The following CYP11B1 variants were observed in gnomAD, a reference collection of about 807,000 sequenced individuals.
CYP11B1 encodes cytochrome P450 11B1, mitochondrial.
In CYP11B1, 34 loss-of-function variants were observed where a neutral mutation model predicts 48.3. That is an observed-to-expected ratio of 0.70 (90% CI 0.54 to 0.94). The LOEUF is 0.94. CYP11B1 is among the 40% of genes least tolerant of loss of function. The probability of loss-of-function intolerance (pLI) is 0.00; values close to 1 mark genes in which losing one functional copy is unlikely to be tolerated. For synonymous variants in CYP11B1, 291 were observed against 262.5 expected, an observed-to-expected ratio of 1.11 and a Z score of -1.05; for missense variants, 688 against 657.4, an observed-to-expected ratio of 1.05 and a Z score of -0.51.
intron 5 of CYP11B1, 94 bp downstream of exon 5, chr8:142,876,147 T>C (rs369228207): frequency 1.3e-6 from 2 of 1,539,208 alleles, no homozygotes; most frequent in East Asian, 4.5e-5. Context: ...AGCCTGGGGA[T>C]GGGACACGTG....
Position 142,875,650 on chromosome 8 carries a change from C to T in CYP11B1, c.1121+62G>A, listed in dbSNP as rs1488983707. ...AGCCCCAGATTCTGTCTGCCACCAC[C>T]CAGTGGGGGCTGCTCTCCAGCAGGG... On this transcript the variant is annotated intron_variant, in intron 6 of 8. Transcript: ENST00000292427. 5 of 1,578,346 alleles carry T rather than the reference C, an allele frequency of 3.2e-6. No individual in the cohort carries two copies. In the East Asian group the frequency reaches 6.7e-5, roughly 21 times the overall value.
rs866430018 is a variant in CYP11B1, at chr8:142,876,741, C to T, written c.740G>A (p.Trp247Ter). ...LMFMPRSLSR[W>*]TSPKVWKEHF... ...CTCCTTCCACACCTTGGGGCTGGTC[C>T]AGCGAGACAGGCTCCTGGGCATGAA... is the stretch of plus-strand genomic sequence containing the variant. Residue 247 changes from tryptophan (W) to a stop codon, truncating the protein, a stop_gained, in exon 4 of 9, where the codon TGG becomes TAG. Coordinates refer to ENST00000292427, the MANE Select transcript of CYP11B1 (RefSeq NM_000497.4). LOFTEE classifies it high-confidence loss of function. The T allele has an allele frequency of 1.1e-5, 18 of 1,614,056 alleles. No homozygotes were observed. Among genetic ancestry groups the T allele is most frequent in the Non-Finnish European group, 1.5e-5 (18 of 1,179,992 alleles).
At chr8:142,878,088 C>T (rs1377853605) in intron 2 of CYP11B1, among the ~76,000 whole-genome samples, 8 of 152,146 alleles carry the variant, frequency 5.3e-5, no homozygotes, top group Non-Finnish European at 1.2e-4. Context: ...GCACACACAA[C>T]ACGTGCAAAT....
rs5284 is a variant in CYP11B1 at position 142,879,139 on chromosome 8, G to A, written c.288C>T (p.Asp96=). 148 of 1,614,040 alleles carry A rather than the reference G, an allele frequency of 9.2e-5. No individual in the cohort carries two copies. Among genetic ancestry groups the A allele is most frequent in the South Asian group, 4.6e-4 (42 of 91,074 alleles). Residue 96 remains aspartate (D), a synonymous_variant, in exon 2 of 9, where the codon GAC becomes GAT. Transcript: ENST00000292427. ...TGTCCACCTGTTGCAGCTTCTCCAC[G>A]TCCTCCGGCAGCATCACACACACCA... ...AGMVCVMLPE[D]VEKLQQVDSL... is the part of the protein sequence containing the mutation.
intron 5 of CYP11B1, 142 bp from the exon 6 acceptor site, chr8:142,876,020 G>A: frequency 8.4e-7 from 1 of 1,189,122 alleles, no homozygotes; most frequent in Non-Finnish European, 1.2e-6. Flanking sequence ...AAATCCTAAT[G>A]CCCATCCAAA....
At chr8:142,879,004 T>G (rs1817055002) in intron 2 of CYP11B1, 28 bp downstream of exon 2, 1 of 1,613,354 alleles carries the variant, frequency 6.2e-7, no homozygotes, top group African/African-American at 1.3e-5. Flanking sequence ...CTGCCCACCC[T>G]GCTCCCAGCT....
At chr8:142,878,776 C>G (rs1817045873) in intron 2 of CYP11B1, among the ~76,000 whole-genome samples, 1 of 152,194 alleles carries the variant, frequency 6.6e-6, no homozygotes, top group South Asian at 2.1e-4. Flanking sequence ...AGAGCGGGTT[C>G]TCACTACACA....
Position 142,879,171 on chromosome 8 carries a change from C to G in CYP11B1, c.256G>C (p.Ala86Pro), listed in dbSNP as rs376893751. Residue 86 changes from alanine (A) to proline (P), a missense_variant, in exon 2 of 9, where the codon GCA becomes CCA. Physicochemically the swap from Ala to Pro is conservative, Grantham distance 27 (BLOSUM62 -1). Transcript: ENST00000292427. The part of the protein sequence containing the change: ...GPIFRYDLGG[A>P]GMVCVMLPED... ...GGCAGCATCACACACACCATGCCTGCTCCTCCCAAGTCGTACCTGTGGGGC... is the reference window on the plus strand; with the variant it reads ...GGCAGCATCACACACACCATGCCTGGTCCTCCCAAGTCGTACCTGTGGGGC... 45 of 1,613,808 alleles carry G rather than the reference C, an allele frequency of 2.8e-5. No individual in the cohort carries two copies. Among genetic ancestry groups the G allele is most frequent in the South Asian group, 2.0e-4 (18 of 91,074 alleles).
In CYP11B1 at chr8:142,877,192, C is replaced by T. The variant is rs1275754100; in HGVS notation, c.426G>A (p.Leu142=). ...GCGACAGCACTTCTGGATTCAGCCG[C>T]AATCGGTTGAAGCGCCATTCAGGCC... The part of the protein sequence containing the change: ...LNGPEWRFNR[L]RLNPEVLSPN... The change falls in exon 3 of 9, where the codon TTG becomes TTA. Residue 142 remains leucine (L), a synonymous_variant. Coordinates refer to ENST00000292427, the MANE Select transcript of CYP11B1 (RefSeq NM_000497.4). 2 of 1,614,116 alleles carry T rather than the reference C, an allele frequency of 1.2e-6. No homozygotes were observed. The highest frequency in any genetic ancestry group is 1.7e-6 in the Non-Finnish European group (2 of 1,179,992).
In CYP11B1 at chr8:142,879,773, G is replaced by A. The variant is rs1304483373; in HGVS notation, c.41C>T (p.Pro14Leu). Reference sequence around the variant, plus strand: ...CTGTGCCCTTTGCAGGGACAGCCAGGGCACTGCCATGCACACCTCTGCCTT... The same window carrying A: ...CTGTGCCCTTTGCAGGGACAGCCAGAGCACTGCCATGCACACCTCTGCCTT... ...RAKAEVCMAV[P>L]WLSLQRAQAL... The change falls in exon 1 of 9, where the codon CCC becomes CTC. Residue 14 changes from proline to leucine, a missense_variant. Transcript: ENST00000292427. The A allele has an allele frequency of 1.2e-6, 2 of 1,614,146 alleles. No homozygotes were observed. Among genetic ancestry groups the A allele is most frequent in the Admixed American group, 1.7e-5 (1 of 60,034 alleles).
At chr8:142,879,374 G>A (rs568668806) in intron 1 of CYP11B1, 187 bp from the exon 2 acceptor site, 4 of 1,609,520 alleles carry the variant, frequency 2.5e-6, no homozygotes, top group East Asian at 2.2e-5. Context: ...TGCCCTCTCT[G>A]CAGCGAGCTG....
chr8:142,877,009 C>T lies in CYP11B1; in HGVS notation c.595+14G>A, dbSNP rs1208266252. On this transcript the variant is annotated intron_variant, in intron 3 of 8. Transcript: ENST00000292427. Reference sequence around the variant, plus strand: ...CAGGGTCTCTGAGGCTGGATCTTCCCACGTGGCCCACACCTTCTATGGTGT... The same window carrying T: ...CAGGGTCTCTGAGGCTGGATCTTCCTACGTGGCCCACACCTTCTATGGTGT... 7.4e-6 allele frequency: 12 copies of T among 1,613,254 alleles called. No individual in the cohort carries two copies. The highest frequency in any genetic ancestry group is 1.0e-5 in the Non-Finnish European group (12 of 1,179,720).
At position 142,876,887 on chromosome 8, in the gene CYP11B1, T is replaced by A. The variant is rs775946442; in HGVS notation, c.596-2A>T. The A allele has an allele frequency of 2.3e-5, 37 of 1,614,144 alleles. No homozygotes were observed. The highest frequency in any genetic ancestry group is 3.0e-5 in the Non-Finnish European group (35 of 1,180,028). ...CTCCAAAAAGAGCCAAGTTGCTGGC[T>A]GCGGGGAGGATGCACTGCTGAGCAC... On this transcript the variant is annotated splice_acceptor_variant, in intron 3 of 8. Transcript: ENST00000292427. LOFTEE classifies it high-confidence loss of function.
chr8:142,875,035 G>C lies in CYP11B1; in HGVS notation c.1320C>G (p.His440Gln). The C allele has an allele frequency of 1.2e-6, 2 of 1,614,258 alleles. No homozygotes were observed. Among genetic ancestry groups the C allele is most frequent in the East Asian group, 4.5e-5 (2 of 44,880 alleles). The change falls in exon 8 of 9, where the codon CAC becomes CAG. Residue 440 changes from histidine (H) to glutamine (Q), a missense_variant. Physicochemically the swap from His to Gln is conservative, Grantham distance 24. Transcript: ENST00000292427. ...DIRGSGRNFY[H>Q]VPFGFGMRQC... ...GGCGCATGCCAAAGCCAAAGGGCAC[G>C]TGGTAGAAGTTCCTGCCGGAGCCCC...
In CYP11B1 at chr8:142,879,159, A is replaced by T; in HGVS notation, c.268T>A (p.Cys90Ser). 6.2e-7 allele frequency: 1 copy of T among 1,613,696 alleles called. No individual in the cohort carries two copies. The highest frequency in any genetic ancestry group is 1.1e-5 in the South Asian group (1 of 91,058). ...RYDLGGAGMV[C>S]VMLPEDVEKL... ...TCCACGTCCTCCGGCAGCATCACAC[A>T]CACCATGCCTGCTCCTCCCAAGTCG... Residue 90 changes from cysteine (C) to serine (S), a missense_variant, in exon 2 of 9, where the codon TGT (cysteine) becomes AGT (serine). Coordinates refer to ENST00000292427, the MANE Select transcript of CYP11B1 (RefSeq NM_000497.4).
At chr8:142,877,571 C>G (rs1212694591) in intron 2 of CYP11B1, among the ~76,000 whole-genome samples, 1 of 152,170 alleles carries the variant, frequency 6.6e-6, no homozygotes, top group African/African-American at 2.4e-5. Context: ...AAGAAAGGAA[C>G]TGACCCCTGT....
At chr8:142,874,794 TAC>T (rs1816879201) in intron 8 of CYP11B1, among the ~76,000 whole-genome samples, 161 bp downstream of exon 8, 1 of 152,154 alleles carries the variant, frequency 6.6e-6, no homozygotes, top group Non-Finnish European at 1.5e-5. Context: ...GCCCAGGACC[TAC>T]ACAGCCTCAA....
chr8:142,877,634 G>C lies in CYP11B1; in HGVS notation c.396-412C>G, dbSNP rs895603498. 12 of 870,024 alleles carry C rather than the reference G, an allele frequency of 1.4e-5. No individual in the cohort carries two copies. The South Asian group carries it at 1.8e-4, about 13-fold the overall frequency. The allele number at this position is 870,024 out of a possible 1,614,324, so 53.9% of individuals were successfully genotyped here. A position where few individuals can be genotyped will look rare whatever the true frequency, so the allele number is the denominator to read the frequency against. ...CAGTGTCCTGAGGGGAGAGCCCCTGGCTGCCCTCTCCTCCCCGCCCTTCCC... is the reference window on the plus strand; with the variant it reads ...CAGTGTCCTGAGGGGAGAGCCCCTGCCTGCCCTCTCCTCCCCGCCCTTCCC... On this transcript the variant is annotated intron_variant, in intron 2 of 8. Coordinates refer to ENST00000292427, the MANE Select transcript of CYP11B1 (RefSeq NM_000497.4).
intron 1 of CYP11B1, 128 bp from the exon 2 acceptor site, chr8:142,879,315 C>A (rs750322579): frequency 1.2e-6 from 2 of 1,605,922 alleles, no homozygotes; most frequent in Admixed American, 1.7e-5. Context: ...ACAGCTAAAG[C>A]CCTCTTGCTG....
Sources: gnomAD v4.1 joint callset for allele counts (sites outside exome capture counted in the v4.1 genomes callset) on GRCh38, gnomAD v4.1.1 for gene constraint, MANE v1.5 for transcripts, NCBI Gene and HGNC (gene_info 2026-07-23, HGNC 2026-07-21) for gene names.